The following BBS9 variants were observed in gnomAD, a reference collection of about 807,000 sequenced individuals.
BBS9 encodes protein PTHB1.
BBS9 carries 89 observed loss-of-function variants against 117.7 expected under a neutral mutation model. The ratio of observed to expected loss-of-function variants is 0.76; its 90% CI spans 0.64 to 0.90. The LOEUF is 0.90. Ranked by LOEUF, BBS9 falls within the 40% of genes least tolerant of loss-of-function variation. The pLI is 0.00. For synonymous variants in BBS9, 379 were observed against 370.9 expected (o/e 1.02, Z -0.25); for missense variants, 982 against 1,042.2 (o/e 0.94, Z 0.80).
chr7:33,162,691 C>G (rs750016072), intron 4 of BBS9, among the ~76,000 whole-genome samples: 1 of 152,104 alleles, frequency 6.6e-6, no homozygotes, highest in Non-Finnish European at 1.5e-5. Context: ...TATACTGAGA[C>G]TTTGCTAAAC....
intron 19 of BBS9, among the ~76,000 whole-genome samples, chr7:33,446,322 A>G (rs1305106069): frequency 6.6e-6 from 1 of 152,258 alleles, no homozygotes; most frequent in African/African-American, 2.4e-5. Flanking sequence ...TTCTTAGTCC[A>G]TAGTATTGCC....
chr7:33,243,958 TCACACCTGTAATCTCAG>T (rs1416491569), intron 5 of BBS9, among the ~76,000 whole-genome samples: 2 of 152,294 alleles, frequency 1.3e-5, no homozygotes, highest in Admixed American at 6.5e-5. Context: ...GCGGAGTGGC[TCACACCTGTAATCTCAG>T]CACTTTGGGA....
chr7:33,130,077 A>C (rs1272250573), intron 1 of BBS9, 36 bp downstream of exon 1: 1 of 152,188 alleles, frequency 6.6e-6, no homozygotes, highest in East Asian at 1.9e-4. Flanking sequence ...CTTCGGGTAC[A>C]TGAATACCCT....
intron 21 of BBS9, among the ~76,000 whole-genome samples, chr7:33,545,048 C>G (rs944438838): frequency 5.3e-5 from 8 of 152,270 alleles, no homozygotes; most frequent in African/African-American, 1.9e-4. Flanking sequence ...CACCATGCCC[C>G]TGCCAACAGC....
chr7:33,190,907 A>G (rs1191286980), intron 5 of BBS9, among the ~76,000 whole-genome samples: 1 of 152,214 alleles, frequency 6.6e-6, no homozygotes, highest in Non-Finnish European at 1.5e-5. Context: ...AACTGTGGTG[A>G]ATCTGAGGAC....
intron 19 of BBS9, among the ~76,000 whole-genome samples, chr7:33,404,286 C>T (rs546154224): frequency 6.6e-6 from 1 of 152,206 alleles, no homozygotes; most frequent in East Asian, 1.9e-4. Flanking sequence ...ATGATGCCTC[C>T]AGCTTTGTTC....
chr7:33,213,218 C>T (rs959726692), intron 5 of BBS9, among the ~76,000 whole-genome samples: 88 of 152,312 alleles, frequency 5.8e-4, no homozygotes, highest in Non-Finnish European at 6.3e-4. Flanking sequence ...CCTGCTCTTC[C>T]CCCATCTTTC....
rs528587003 is a variant in BBS9, at chr7:33,509,706, G to A, written c.2298+4061G>A. 7.2e-4 allele frequency among the ~76,000 whole-genome samples: 109 copies of A among 152,262 alleles called. 4 individuals are homozygous for A. In the South Asian group the frequency reaches 0.022, roughly 30 times the overall value. On this transcript the variant is annotated intron_variant, in intron 20 of 22. Coordinates refer to ENST00000242067, the MANE Select transcript of BBS9 (RefSeq NM_198428.3). ...AGACAGCACTGTGTAATGATTTGTT[G>A]TTATTTTGATGGTATGTGTTAAAAG...
At chr7:33,602,244 A>C (rs896603096) in intron 21 of BBS9, among the ~76,000 whole-genome samples, 1 of 152,172 alleles carries the variant, frequency 6.6e-6, no homozygotes, top group African/African-American at 2.4e-5. Context: ...AAGAGAACTA[A>C]TCATCTGGCA....
chr7:33,250,997 C>T (rs1400848489), intron 5 of BBS9, among the ~76,000 whole-genome samples: 2 of 151,984 alleles, frequency 1.3e-5, no homozygotes, highest in African/African-American at 4.8e-5. Flanking sequence ...GTGATTGAAG[C>T]GGAATGAGAA....
At chr7:33,170,297 T>C (rs1307039630) in intron 4 of BBS9, among the ~76,000 whole-genome samples, 1 of 147,328 alleles carries the variant, frequency 6.8e-6, no homozygotes, top group Non-Finnish European at 1.5e-5. Flanking sequence ...GCTGGTTCAA[T>C]ATATGCAAAT....
chr7:33,281,798 AT>A (rs1300788364), intron 9 of BBS9, among the ~76,000 whole-genome samples: 2 of 151,532 alleles, frequency 1.3e-5, no homozygotes, highest in East Asian at 3.9e-4. Context: ...TTGCTTCCTT[AT>A]TTTTTTAATT....
intron 21 of BBS9, among the ~76,000 whole-genome samples, chr7:33,574,697 A>ACACACG (rs1469884543): frequency 7.2e-6 from 1 of 138,780 alleles, no homozygotes; most frequent in Non-Finnish European, 1.5e-5. Context: ...ACACACACAC[A>ACACACG]CACACACACA....
At chr7:33,357,573 A>G (rs936885466) in intron 15 of BBS9, among the ~76,000 whole-genome samples, 2 of 151,834 alleles carry the variant, frequency 1.3e-5, no homozygotes, top group African/African-American at 2.4e-5. Context: ...ATAATGTTTT[A>G]TATAGTATCC....
intron 4 of BBS9, among the ~76,000 whole-genome samples, chr7:33,164,202 G>A (rs1368161625): frequency 6.6e-6 from 1 of 152,180 alleles, no homozygotes; most frequent in African/African-American, 2.4e-5. Context: ...GAGACAGTTT[G>A]TTATGATTTC....
At chr7:33,572,259 T>C (rs888812467) in intron 21 of BBS9, among the ~76,000 whole-genome samples, 5 of 152,154 alleles carry the variant, frequency 3.3e-5, no homozygotes, top group African/African-American at 1.2e-4. Context: ...CCATCCATGT[T>C]ATTACAAAGG....
chr7:33,371,260 T>C (rs1822813298), intron 17 of BBS9, among the ~76,000 whole-genome samples: 1 of 152,124 alleles, frequency 6.6e-6, no homozygotes. Context: ...TTCACAGAAC[T>C]TTAGAAAATA....
chr7:33,293,286 T>C (rs1804464740), intron 9 of BBS9, among the ~76,000 whole-genome samples: 1 of 151,980 alleles, frequency 6.6e-6, no homozygotes, highest in South Asian at 2.1e-4. Context: ...GAAGGGGTTA[T>C]AGCAAAGAAA....
intron 18 of BBS9, among the ~76,000 whole-genome samples, chr7:33,384,932 C>T (rs1016361003): frequency 2.0e-5 from 3 of 152,098 alleles, no homozygotes; most frequent in African/African-American, 2.4e-5. Context: ...TTTCTAGGAA[C>T]GCATGCCTTT....
Sources: allele counts gnomAD v4.1 joint callset (sites outside exome capture counted in the v4.1 genomes callset), GRCh38; gene constraint gnomAD v4.1.1; transcripts MANE v1.5; gene names NCBI Gene and HGNC (gene_info 2026-07-23, HGNC 2026-07-21).